The following DNAAF10 variants were observed in gnomAD, a reference collection of about 807,000 sequenced individuals.
DNAAF10 encodes dynein axonemal assembly factor 10.
In DNAAF10, 28 loss-of-function variants were observed where a neutral mutation model predicts 43.7. The ratio of observed to expected loss-of-function variants is 0.64; its 90% CI spans 0.48 to 0.88. The LOEUF (loss-of-function observed/expected upper bound fraction) is 0.88, where lower values mean the gene tolerates loss of function less well. Among genes scored for constraint, DNAAF10 ranks in the 40% least tolerant of loss-of-function variants. The pLI is 0.00. For synonymous variants in DNAAF10, 156 were observed against 157.3 expected (o/e 0.99, Z 0.06); for missense variants, 403 against 439.1 (o/e 0.92, Z 0.73).
intron 1 of DNAAF10, among the ~76,000 whole-genome samples, chr2:68,151,119 A>G (rs1673447771): frequency 6.6e-6 from 1 of 152,272 alleles, no homozygotes; most frequent in Non-Finnish European, 1.5e-5. Context: ...AGTAAAATGT[A>G]TCTACATTGA....
chr2:68,138,975 A>C, intron 4 of DNAAF10, 118 bp from the exon 5 acceptor site: 1 of 711,662 alleles, frequency 1.4e-6, no homozygotes, highest in Non-Finnish European at 2.4e-6. Context: ...TAAAAATCAC[A>C]CTGGGTAGTA....
chr2:68,146,961 T>C (rs1023508254), intron 2 of DNAAF10, among the ~76,000 whole-genome samples: 1 of 152,210 alleles, frequency 6.6e-6, no homozygotes, highest in African/African-American at 2.4e-5. Context: ...GAAAAAGGCA[T>C]TTGGCAGAAT....
intron 1 of DNAAF10, among the ~76,000 whole-genome samples, chr2:68,154,541 C>T (rs981787385): frequency 4.6e-5 from 7 of 152,222 alleles, no homozygotes; most frequent in Middle Eastern, 3.4e-3. Flanking sequence ...CCACCACACC[C>T]GGCGTGAAAA....
At chr2:68,151,177 T>C (rs1192470467) in intron 1 of DNAAF10, among the ~76,000 whole-genome samples, 1 of 152,194 alleles carries the variant, frequency 6.6e-6, no homozygotes, top group Non-Finnish European at 1.5e-5. Flanking sequence ...GTATACAAAA[T>C]GCAAAAAGTC....
At chr2:68,147,605 G>C in intron 1 of DNAAF10, 38 bp from the exon 2 acceptor site, 4 of 1,458,984 alleles carry the variant, frequency 2.7e-6, no homozygotes, top group Non-Finnish European at 3.8e-6. Context: ...TATTATTTAT[G>C]TAAGCAGATA....
At chr2:68,157,222 G>GC in intron 1 of DNAAF10, 39 bp downstream of exon 1, 1 of 1,583,958 alleles carries the variant, frequency 6.3e-7, no homozygotes, top group Non-Finnish European at 8.6e-7. Flanking sequence ...ATCCGCACTC[G>GC]CCCCCAACGG....
At chr2:68,146,098 C>T (rs901366127) in intron 2 of DNAAF10, among the ~76,000 whole-genome samples, 1 of 152,116 alleles carries the variant, frequency 6.6e-6, no homozygotes, top group Non-Finnish European at 1.5e-5. Context: ...CCCATCTCTA[C>T]TAAAAACACA....
At chr2:68,134,895 A>C in intron 6 of DNAAF10, 96 bp from the exon 7 acceptor site, 2 of 1,354,046 alleles carry the variant, frequency 1.5e-6, no homozygotes, top group Non-Finnish European at 1.0e-6. Context: ...CTATAATTTC[A>C]ATGGTTATAA....
chr2:68,135,509 G>A lies in DNAAF10; in HGVS notation c.769-710C>T, dbSNP rs145113461. Among the ~76,000 whole-genome samples, 341 of 152,280 alleles carry A rather than the reference G, an allele frequency of 2.2e-3. 1 individual carries two copies. Among genetic ancestry groups the A allele is most frequent in the Middle Eastern group, 0.01 (3 of 294 alleles). On this transcript the variant is annotated intron_variant, in intron 6 of 7. Transcript: ENST00000295121. ...AAGCAGCCAGTAAATCCATCCCGGC[G>A]CCACTGCATTAACTGGGGGGAACTT...
At chr2:68,154,556 C>T (rs773398617) in intron 1 of DNAAF10, among the ~76,000 whole-genome samples, 6 of 152,048 alleles carry the variant, frequency 3.9e-5, no homozygotes, top group Non-Finnish European at 8.8e-5. Context: ...TGAAAATACA[C>T]TTAGTGGTTA....
rs1163690448 is a variant in DNAAF10, at chr2:68,130,099, C to T, written c.*1139G>A. 2.4e-5 allele frequency: 2 copies of T among 82,340 alleles called. No homozygotes were observed. The highest frequency in any genetic ancestry group is 5.3e-4 in the South Asian group (1 of 1,882). 5.1% of individuals were successfully genotyped at this position (82,340 alleles called of 1,614,324 possible). ...CTACCCAAATCTAGACCAACCGTGC[C>T]GTTTTGAGAGAGAGAGATATATATA... On this transcript the variant is annotated 3_prime_UTR_variant, in exon 8 of 8. Transcript: ENST00000295121.
At chr2:68,141,512 T>C (rs760742318) in intron 4 of DNAAF10, among the ~76,000 whole-genome samples, 182 bp downstream of exon 4, 57 of 152,330 alleles carry the variant, frequency 3.7e-4, no homozygotes, top group Admixed American at 8.5e-4. Flanking sequence ...GGCCAATAAG[T>C]AGCAGGTGAG....
chr2:68,134,471 C>T (rs1397944232), intron 7 of DNAAF10: 10 of 1,309,324 alleles, frequency 7.6e-6, no homozygotes, highest in African/African-American at 1.6e-5. Flanking sequence ...GAAGACACAA[C>T]TAAAATGATA....
Position 68,138,732 on chromosome 2 carries a change from TG to T in DNAAF10, c.633+9del. On this transcript the variant is annotated intron_variant, in intron 5 of 7. Transcript: ENST00000295121. The stretch of plus-strand genomic sequence containing the variant: ...TCAGAGAAACCAAAAAGCCTCAGAA[TG>T]TACTTTACCCCATTTTTGATGTTTG... 6.3e-7 allele frequency: 1 copy of T among 1,596,246 alleles called. No homozygotes were observed. Among genetic ancestry groups the T allele is most frequent in the Middle Eastern group, 1.7e-4 (1 of 6,034 alleles).
At chr2:68,152,261 T>C (rs1673476094) in intron 1 of DNAAF10, among the ~76,000 whole-genome samples, 1 of 152,236 alleles carries the variant, frequency 6.6e-6, no homozygotes, top group African/African-American at 2.4e-5. Context: ...TTTATGGTCA[T>C]TAGTGGTCTG....
chr2:68,157,104 G>A (rs375360370), intron 1 of DNAAF10, 157 bp downstream of exon 1: 7 of 1,031,854 alleles, frequency 6.8e-6, no homozygotes, highest in Admixed American at 2.8e-5. Flanking sequence ...GTTTTAAATA[G>A]GAAACATTCC....
At chr2:68,143,326 G>C (rs1344809273) in intron 3 of DNAAF10, among the ~76,000 whole-genome samples, 2 of 152,040 alleles carry the variant, frequency 1.3e-5, no homozygotes, top group African/African-American at 4.8e-5. Context: ...TGTGATTACA[G>C]GTGTGTGCCA....
intron 2 of DNAAF10, 88 bp downstream of exon 2, chr2:68,147,379 T>C: frequency 1.0e-6 from 1 of 988,736 alleles, no homozygotes; most frequent in Non-Finnish European, 1.5e-6. Flanking sequence ...ATTTTAAAAT[T>C]AAAATTCTCT....
intron 1 of DNAAF10, among the ~76,000 whole-genome samples, chr2:68,153,521 C>T (rs539638684): frequency 1.3e-5 from 2 of 151,974 alleles, no homozygotes; most frequent in East Asian, 3.9e-4. Context: ...TTTAAAAATA[C>T]TCTGATTTCT....
Sources: allele counts gnomAD v4.1 joint callset (sites outside exome capture counted in the v4.1 genomes callset), GRCh38; gene constraint gnomAD v4.1.1; transcripts MANE v1.5; gene names NCBI Gene and HGNC (gene_info 2026-07-23, HGNC 2026-07-21).